LPCAT3: variants seen among roughly 807,000 people sequenced by gnomAD.
The protein encoded by LPCAT3 is lysophospholipid acyltransferase 5.
In LPCAT3, 21 loss-of-function variants were observed where a neutral mutation model predicts 63.4. That is an observed-to-expected ratio of 0.33 (90% CI 0.23 to 0.48). The LOEUF (loss-of-function observed/expected upper bound fraction) is 0.48. LPCAT3 is among the 20% of genes least tolerant of loss of function. The probability of loss-of-function intolerance (pLI) is 0.99; values close to 1 mark genes in which losing one functional copy is unlikely to be tolerated. For synonymous variants in LPCAT3, 242 were observed against 227.5 expected (o/e 1.06, Z -0.58); for missense variants, 451 against 590.6 (o/e 0.76, Z 2.45).
In LPCAT3 at chr12:6,978,522, C is replaced by G. The variant is rs782060316; in HGVS notation, c.874-15G>C. On this transcript the variant is annotated splice_polypyrimidine_tract_variant and intron_variant, in intron 8 of 12. Coordinates refer to ENST00000261407, the MANE Select transcript of LPCAT3 (RefSeq NM_005768.6). Reference sequence around the variant, plus strand: ...CATACTCCTTCCTGAGAGGGAATAGCTCAGTTAGGGCTCTTGCCACTCCCC... The same window carrying G: ...CATACTCCTTCCTGAGAGGGAATAGGTCAGTTAGGGCTCTTGCCACTCCCC... 1 of 1,611,752 alleles carries G rather than the reference C, an allele frequency of 6.2e-7. No individual in the cohort carries two copies. Among genetic ancestry groups the G allele is most frequent in the South Asian group, 1.1e-5 (1 of 90,898 alleles).
intron 1 of LPCAT3, among the ~76,000 whole-genome samples, chr12:7,016,347 G>T (rs1349594506): frequency 6.6e-6 from 1 of 151,384 alleles, no homozygotes; most frequent in African/African-American, 2.4e-5. Context: ...AGCTAACTTG[G>T]CTCACTACAA....
chr12:6,982,244 G>A (rs1032998681), intron 3 of LPCAT3, among the ~76,000 whole-genome samples: 1 of 152,096 alleles, frequency 6.6e-6, no homozygotes, highest in Admixed American at 6.5e-5. Flanking sequence ...TCACCATGTT[G>A]CCCGGGTTAG....
chr12:6,986,329 T>C (rs1946525593), intron 1 of LPCAT3, among the ~76,000 whole-genome samples: 1 of 152,110 alleles, frequency 6.6e-6, no homozygotes, highest in African/African-American at 2.4e-5. Context: ...AGTAAACATA[T>C]TTTTTCTTGC....
At chr12:6,979,189 G>C in intron 7 of LPCAT3, 1 of 478,480 alleles carries the variant, frequency 2.1e-6, no homozygotes, top group South Asian at 2.7e-5. Context: ...TGTGCTCTGA[G>C]GGGTCACGTG....
At chr12:6,981,269 A>G in intron 5 of LPCAT3, 87 bp from the exon 6 acceptor site, 1 of 1,104,174 alleles carries the variant, frequency 9.1e-7, no homozygotes, top group Non-Finnish European at 1.3e-6. Context: ...TGTGTGCCCC[A>G]CTGACTGGGG....
chr12:7,011,451 C>T (rs1555157214), intron 1 of LPCAT3, among the ~76,000 whole-genome samples: 3 of 151,862 alleles, frequency 2.0e-5, no homozygotes, highest in African/African-American at 7.3e-5. Flanking sequence ...TTTGAGACCA[C>T]CCTGGGCAAC....
rs781898543 is a variant in LPCAT3 at position 6,982,687 on chromosome 12, A to G, written c.355T>C (p.Cys119Arg). Residue 119 changes from cysteine to arginine, a missense_variant, in exon 3 of 13, where the codon TGC becomes CGC. Transcript: ENST00000261407. ...RTITAVLTTFCFQMAYLLAGY... is the reference protein window; with the variant it reads ...RTITAVLTTFRFQMAYLLAGY... ...GGAAAGACGTTTACCATCTGGAAGC[A>G]AAAGGTAGTGAGGACGGCAGTGATG... The G allele has an allele frequency of 1.2e-6, 2 of 1,612,162 alleles. No homozygotes were observed. The highest frequency in any genetic ancestry group is 2.2e-5 in the South Asian group (2 of 91,034).
rs1220627223 is a variant in LPCAT3, at chr12:6,985,771, G to GTT, written c.152-2234_152-2233dup. ...CTTCCTGGTGCCAGGATCAACTGGTGTTTTTTTTTTTTTTTGAGATGGAGT... is the reference window on the plus strand; with the variant it reads ...CTTCCTGGTGCCAGGATCAACTGGTGTTTTTTTTTTTTTTTTTGAGATGGAGT... On this transcript the variant is annotated intron_variant, in intron 1 of 12. Coordinates refer to ENST00000261407, the MANE Select transcript of LPCAT3 (RefSeq NM_005768.6). Among the ~76,000 whole-genome samples the GTT allele has an allele frequency of 5.9e-3, 795 of 135,666 alleles. 12 individuals are homozygous for GTT. The highest frequency in any genetic ancestry group is 0.02 in the African/African-American group (737 of 37,402). The allele number at this position is 135,666 out of a possible 152,430, so 89.0% of individuals were successfully genotyped here.
intron 1 of LPCAT3, among the ~76,000 whole-genome samples, chr12:6,990,566 T>TAAA (rs1555155377): frequency 1.3e-3 from 157 of 117,200 alleles, no homozygotes; most frequent in East Asian, 1.9e-3. Context: ...AATAAATAAA[T>TAAA]TGAGCACCCC....
intron 7 of LPCAT3, 93 bp from the exon 8 acceptor site, chr12:6,978,782 TC>T: frequency 6.5e-7 from 1 of 1,545,186 alleles, no homozygotes; most frequent in South Asian, 1.2e-5. Context: ...GCTGGCTACT[TC>T]ATACCTGCCT....
At chr12:7,003,508 T>C (rs1302874549) in intron 1 of LPCAT3, among the ~76,000 whole-genome samples, 1 of 152,230 alleles carries the variant, frequency 6.6e-6, no homozygotes, top group African/African-American at 2.4e-5. Context: ...CACTGTGTTG[T>C]CCAGGTTGGG....
At chr12:6,991,207 G>C (rs1946587596) in intron 1 of LPCAT3, among the ~76,000 whole-genome samples, 1 of 152,082 alleles carries the variant, frequency 6.6e-6, no homozygotes, top group Non-Finnish European at 1.5e-5. Context: ...TGTTAGTTTG[G>C]TTAAAATATA....
chr12:7,002,566 A>C (rs951176295), intron 1 of LPCAT3, among the ~76,000 whole-genome samples: 1 of 152,250 alleles, frequency 6.6e-6, no homozygotes, highest in Non-Finnish European at 1.5e-5. Flanking sequence ...TCAGCAAATG[A>C]AACAATAAAC....
chr12:6,990,519 T>TTAAAA (rs1254905433), intron 1 of LPCAT3, among the ~76,000 whole-genome samples: 3 of 133,584 alleles, frequency 2.2e-5, no homozygotes, highest in East Asian at 2.3e-4. Flanking sequence ...AAAAAGAAAA[T>TTAAAA]TAAAATAAAA....
chr12:6,982,056 TG>T lies in LPCAT3; in HGVS notation c.367-153del. 6.5e-6 allele frequency: 4 copies of T among 613,130 alleles called. No homozygotes were observed. The Admixed American group carries it at 1.1e-4, about 17-fold the overall frequency. 38.0% of individuals were successfully genotyped at this position (613,130 alleles called of 1,614,324 possible). Reference sequence around the variant, plus strand: ...AAATGGAGGTGCTGAAAACCTGTAATGGGAAGAGCGTTGCTCAAGGCTTCTT... The same window carrying T: ...AAATGGAGGTGCTGAAAACCTGTAATGGAAGAGCGTTGCTCAAGGCTTCTT... On this transcript the variant is annotated intron_variant, in intron 3 of 12. Transcript: ENST00000261407.
In LPCAT3 at chr12:6,976,392, CAG is replaced by C. The variant is rs1454711508; in HGVS notation, c.*510_*511del. On this transcript the variant is annotated 3_prime_UTR_variant, in exon 13 of 13. Coordinates refer to ENST00000261407, the MANE Select transcript of LPCAT3 (RefSeq NM_005768.6). ...GATAAGGCAATGTGCATGGGGGAAT[CAG>C]AGGGGAGATGTGAGCCCCTCTGCTC... 1 of 153,450 alleles carries C rather than the reference CAG, an allele frequency of 6.5e-6. No homozygotes were observed. Among genetic ancestry groups the C allele is most frequent in the Non-Finnish European group, 1.5e-5 (1 of 68,764 alleles). 9.5% of individuals were successfully genotyped at this position (153,450 alleles called of 1,614,324 possible).
intron 1 of LPCAT3, among the ~76,000 whole-genome samples, chr12:6,993,553 C>A (rs1946608435): frequency 6.6e-6 from 1 of 152,152 alleles, no homozygotes; most frequent in Non-Finnish European, 1.5e-5. Context: ...TCTCTCTTAA[C>A]TCCCAGAGCC....
In LPCAT3 at chr12:6,977,449, A is replaced by G. The variant is rs1002601281; in HGVS notation, c.1265T>C (p.Leu422Ser). 6.2e-7 allele frequency: 1 copy of G among 1,614,160 alleles called. No homozygotes were observed. The highest frequency in any genetic ancestry group is 1.7e-5 in the Admixed American group (1 of 60,022). Reference protein sequence around the residue: ...AITVLQPFYYLVQQTIHWLFM... With the variant: ...AITVLQPFYYSVQQTIHWLFM... ...GAGCCAGTGGATGGTCTGTTGCACC[A>G]AATAGTAGAAGGGCTGGAGGACAGT... Residue 422 changes from leucine (L) to serine (S), a missense_variant, in exon 11 of 13, where the codon TTG becomes TCG. By Grantham distance (145) the Leu-to-Ser change is moderately radical. Around this residue, in one of 3 missense-constraint regions of LPCAT3, gnomAD observed 304 missense variants for 390.8 expected, o/e 0.78. Transcript: ENST00000261407. This position sits in a 1 kb window ranked among gnomAD's most constrained non-coding sequence, Gnocchi z 4.5.
intron 1 of LPCAT3, among the ~76,000 whole-genome samples, chr12:6,995,835 G>A (rs189433038): frequency 2.0e-4 from 30 of 152,090 alleles, no homozygotes; most frequent in Middle Eastern, 3.4e-3. Flanking sequence ...ACTTCTCTCC[G>A]CCTCTACTGC....
Sources: gnomAD v4.1 joint callset for allele counts (sites outside exome capture counted in the v4.1 genomes callset) on GRCh38, gnomAD v4.1.1 for gene constraint, gnomAD v4.1.1 regional missense constraint, Gnocchi (gnomAD v3.1) non-coding constraint, MANE v1.5 for transcripts, NCBI Gene and HGNC (gene_info 2026-07-23, HGNC 2026-07-21) for gene names.